The following SLC36A1 variants were observed in gnomAD, a reference collection of about 807,000 sequenced individuals.
The protein encoded by SLC36A1 is solute carrier family 36 member 1.
Under a neutral mutation model 47.5 loss-of-function variants are expected in SLC36A1, and 30 were observed. That is an observed-to-expected ratio of 0.63 (90% CI 0.47 to 0.86). The LOEUF (loss-of-function observed/expected upper bound fraction) is 0.86, where lower values mean the gene tolerates loss of function less well. Among genes scored for constraint, SLC36A1 ranks in the 40% least tolerant of loss-of-function variants. The probability of loss-of-function intolerance (pLI) is 0.00; values close to 1 mark genes in which losing one functional copy is unlikely to be tolerated. For synonymous variants in SLC36A1, 255 were observed against 249.7 expected, an observed-to-expected ratio of 1.02 and a Z score of -0.20; for missense variants, 517 against 606.0, an observed-to-expected ratio of 0.85 and a Z score of 1.54.
the SLC36A1 span, among the ~76,000 whole-genome samples, chr5:151,428,110 A>G: frequency 0.017 from 2,650 of 152,214 alleles, 74 homozygotes; most frequent in African/African-American, 0.06. Context: ...CTCCAGAGAC[A>G]TGTTTCTGGG....
the SLC36A1 span, among the ~76,000 whole-genome samples, chr5:151,350,931 C>T: frequency 0.11 from 17,207 of 152,150 alleles, 1,186 homozygotes; most frequent in Middle Eastern, 0.18. Flanking sequence ...TTCCTGAGCC[C>T]GCCTTGGCCT....
rs1455096692 is a variant in SLC36A1 at position 151,489,942 on chromosome 5, G to C, written c.*1688G>C. ...AGGAGAGCAGCAAAAATGTATCAGG[G>C]GTTTTGCTTCTGTGTTTCGCCAAAG... On this transcript the variant is annotated 3_prime_UTR_variant, in exon 11 of 11. Transcript: ENST00000243389. The surrounding 1 kb of genome is among the most constrained non-coding windows in gnomAD (Gnocchi z 4.5). 1 of 152,118 alleles carries C rather than the reference G, an allele frequency of 6.6e-6. No individual in the cohort carries two copies. The highest frequency in any genetic ancestry group is 6.6e-5 in the Admixed American group (1 of 15,266). 9.4% of individuals were successfully genotyped at this position (152,118 alleles called of 1,614,324 possible). A position where few individuals can be genotyped will look rare whatever the true frequency, so the allele number is the denominator to read the frequency against.
the SLC36A1 span, among the ~76,000 whole-genome samples, chr5:151,376,981 G>A: frequency 6.6e-6 from 1 of 152,120 alleles, no homozygotes; most frequent in Non-Finnish European, 1.5e-5. Flanking sequence ...CCCAAAGATC[G>A]TTAAGGGACA....
the SLC36A1 span, among the ~76,000 whole-genome samples, chr5:151,415,556 T>C: frequency 6.6e-6 from 1 of 152,176 alleles, no homozygotes; most frequent in Non-Finnish European, 1.5e-5. Flanking sequence ...TTTCCCCACC[T>C]CTTTGCAGCT....
the SLC36A1 span, among the ~76,000 whole-genome samples, chr5:151,409,540 A>G: frequency 2.6e-5 from 4 of 152,182 alleles, no homozygotes; most frequent in African/African-American, 9.7e-5. Flanking sequence ...CACAACATAC[A>G]TGTACAAAGT....
the SLC36A1 span, chr5:151,537,686 T>C: frequency 9.0e-7 from 1 of 1,112,826 alleles, no homozygotes; most frequent in Non-Finnish European, 1.3e-6. Flanking sequence ...TGTTTGCTGA[T>C]AGATGAGTGA....
Position 151,473,699 on chromosome 5 carries a change from C to CT in SLC36A1, c.752dup (p.Leu251PhefsTer20), listed in dbSNP as rs765635105. On this transcript the variant is annotated frameshift_variant, in exon 8 of 11. Coordinates refer to ENST00000243389, the MANE Select transcript of SLC36A1 (RefSeq NM_078483.4). LOFTEE classifies it high-confidence loss of function. ...GGATCCCAGACCCCAGCCACCTCCCCTTGGTGGCCCCTTGGAAGACCTACC... is the reference window on the plus strand; with the variant it reads ...GGATCCCAGACCCCAGCCACCTCCCCTTTGGTGGCCCCTTGGAAGACCTACC... 5 of 1,613,716 alleles carry CT rather than the reference C, an allele frequency of 3.1e-6. No individual in the cohort carries two copies. The highest frequency in any genetic ancestry group is 4.5e-5 in the East Asian group (2 of 44,884).
At chr5:151,360,567 C>T in the SLC36A1 span, among the ~76,000 whole-genome samples, 3 of 152,120 alleles carry the variant, frequency 2.0e-5, no homozygotes, top group Non-Finnish European at 4.4e-5. Context: ...GACAGGCAGG[C>T]ACACTCAGTG....
the SLC36A1 span, among the ~76,000 whole-genome samples, chr5:151,426,761 C>T: frequency 6.6e-6 from 1 of 152,194 alleles, no homozygotes; most frequent in Non-Finnish European, 1.5e-5. Context: ...TCCCTTCCCA[C>T]GAGGCCATAT....
upstream of SLC36A1, among the ~76,000 whole-genome samples, chr5:151,434,179 G>A (rs1004918698): frequency 6.6e-6 from 1 of 152,024 alleles, no homozygotes; most frequent in Admixed American, 6.5e-5. Flanking sequence ...AGCAAAACAA[G>A]AGAAAATTTA....
chr5:151,383,777 TG>T, the SLC36A1 span, among the ~76,000 whole-genome samples: 7 of 152,192 alleles, frequency 4.6e-5, no homozygotes, highest in Non-Finnish European at 8.8e-5. Flanking sequence ...TTCACCATGT[TG>T]GCCAGGCTGG....
At chr5:151,442,667 C>A (rs1425749343), upstream of SLC36A1, among the ~76,000 whole-genome samples, 3 of 152,102 alleles carry the variant, frequency 2.0e-5, no homozygotes, top group African/African-American at 7.2e-5. Context: ...TACTAGTAAC[C>A]TCTGTTCTAC....
intron 1 of SLC36A1, among the ~76,000 whole-genome samples, chr5:151,454,968 A>C (rs1430193064): frequency 6.6e-6 from 1 of 152,032 alleles, no homozygotes; most frequent in Admixed American, 6.5e-5. Context: ...GCTTTCAACC[A>C]TTCCTCATTT....
the SLC36A1 span, among the ~76,000 whole-genome samples, chr5:151,367,518 T>C: frequency 6.6e-6 from 1 of 152,060 alleles, no homozygotes; most frequent in Admixed American, 6.5e-5. Flanking sequence ...GACCTTATGG[T>C]TGTGTTCCCT....
chr5:151,456,023 C>T (rs916819996), intron 1 of SLC36A1, among the ~76,000 whole-genome samples: 26 of 152,112 alleles, frequency 1.7e-4, no homozygotes, highest in African/African-American at 5.6e-4. Context: ...GGGAGTGACA[C>T]ATGACTGCTC....
At chr5:151,401,174 C>A in the SLC36A1 span, among the ~76,000 whole-genome samples, 1 of 152,150 alleles carries the variant, frequency 6.6e-6, no homozygotes, top group African/African-American at 2.4e-5. Flanking sequence ...AAGCTTTAAT[C>A]CATCTGGAGT....
the SLC36A1 span, chr5:151,504,431 T>C: frequency 6.5e-6 from 1 of 152,682 alleles, no homozygotes; most frequent in East Asian, 1.9e-4. Flanking sequence ...ACACGTACTA[T>C]CCATGGGCAC....
chr5:151,533,945 T>A, the SLC36A1 span, among the ~76,000 whole-genome samples: 1 of 152,148 alleles, frequency 6.6e-6, no homozygotes, highest in Non-Finnish European at 1.5e-5. Context: ...AATGAAAATA[T>A]GGAGTTAAAA....
upstream of SLC36A1, among the ~76,000 whole-genome samples, chr5:151,443,889 A>G (rs574645655): frequency 6.6e-6 from 1 of 152,230 alleles, no homozygotes; most frequent in Non-Finnish European, 1.5e-5. Flanking sequence ...TCACATAAAA[A>G]CCAGTTTTCT....
Sources: allele counts gnomAD v4.1 joint callset (sites outside exome capture counted in the v4.1 genomes callset), GRCh38; gene constraint gnomAD v4.1.1; non-coding constraint Gnocchi (gnomAD v3.1); transcripts MANE v1.5; gene names NCBI Gene and HGNC (gene_info 2026-07-23, HGNC 2026-07-21).